BABAM2: variants seen among roughly 807,000 people sequenced by gnomAD.
BABAM2 encodes BRISC and BRCA1-A complex member 2.
Under a neutral mutation model 54.7 loss-of-function variants are expected in BABAM2, and 31 were observed. The observed-to-expected ratio is 0.57, with a 90% CI of 0.43 to 0.77. The LOEUF (loss-of-function observed/expected upper bound fraction) is 0.77, where lower values mean the gene tolerates loss of function less well. Among genes scored for constraint, BABAM2 ranks in the 30% least tolerant of loss-of-function variants. The probability of loss-of-function intolerance (pLI) is 0.00; values close to 1 mark genes in which losing one functional copy is unlikely to be tolerated. For synonymous variants in BABAM2, 167 were observed against 162.9 expected (o/e 1.03, Z -0.19); for missense variants, 364 against 455.8 (o/e 0.80, Z 1.83).
chr2:28,265,221 A>T (rs1684876540), intron 10 of BABAM2, among the ~76,000 whole-genome samples: 2 of 152,160 alleles, frequency 1.3e-5, no homozygotes, highest in Admixed American at 1.3e-4. Flanking sequence ...GGATCACCTG[A>T]GGTCAGGAGT....
At chr2:28,122,256 T>A (rs1289017883) in intron 6 of BABAM2, among the ~76,000 whole-genome samples, 2 of 152,044 alleles carry the variant, frequency 1.3e-5, no homozygotes, top group Admixed American at 6.6e-5. Flanking sequence ...AGACCTAGTT[T>A]TTGGTTACTC....
At chr2:28,213,846 T>C (rs1185944443) in intron 7 of BABAM2, among the ~76,000 whole-genome samples, 2 of 152,024 alleles carry the variant, frequency 1.3e-5, no homozygotes, top group Non-Finnish European at 2.9e-5. Flanking sequence ...TTTTTTTATC[T>C]GTAAAAGGAA....
intron 6 of BABAM2, among the ~76,000 whole-genome samples, chr2:28,128,934 T>A (rs1296913688): frequency 1.3e-5 from 2 of 152,254 alleles, no homozygotes; most frequent in African/African-American, 4.8e-5. Flanking sequence ...ATGTAAATTA[T>A]GTTTATAGTA....
intron 10 of BABAM2, among the ~76,000 whole-genome samples, chr2:28,284,799 A>G (rs1686656910): frequency 6.6e-6 from 1 of 152,218 alleles, no homozygotes; most frequent in African/African-American, 2.4e-5. Context: ...TCAGGCTAGG[A>G]AAAGAAATTA....
chr2:28,035,978 A>C (rs1369399338), intron 5 of BABAM2, among the ~76,000 whole-genome samples: 1 of 152,196 alleles, frequency 6.6e-6, no homozygotes, highest in Non-Finnish European at 1.5e-5. Flanking sequence ...CATACGAAAC[A>C]CAAAGGAAAT....
At chr2:27,991,137 A>G (rs1005199002) in intron 4 of BABAM2, among the ~76,000 whole-genome samples, 8 of 152,214 alleles carry the variant, frequency 5.3e-5, no homozygotes, top group Non-Finnish European at 7.4e-5. Flanking sequence ...ATTAAAATAA[A>G]TTGAAAAGCC....
chr2:28,012,377 A>T (rs1674459401), intron 4 of BABAM2, among the ~76,000 whole-genome samples: 1 of 152,208 alleles, frequency 6.6e-6, no homozygotes, highest in South Asian at 2.1e-4. Context: ...TTCATTTTAG[A>T]ACCACAGCCA....
intron 10 of BABAM2, among the ~76,000 whole-genome samples, chr2:28,279,436 T>C (rs1686155053): frequency 6.6e-6 from 1 of 152,088 alleles, no homozygotes; most frequent in Admixed American, 6.5e-5. Context: ...AAAGCCTGAG[T>C]AGGAGCCAGT....
At chr2:28,049,711 G>T (rs1677860739) in intron 6 of BABAM2, among the ~76,000 whole-genome samples, 1 of 152,210 alleles carries the variant, frequency 6.6e-6, no homozygotes, top group South Asian at 2.1e-4. Context: ...TCAGTGCAGA[G>T]CCCAGGTCAC....
chr2:27,960,408 T>A (rs533820188), intron 3 of BABAM2, among the ~76,000 whole-genome samples: 24 of 152,120 alleles, frequency 1.6e-4, no homozygotes, highest in Non-Finnish European at 2.5e-4. Context: ...AGCAAAAGAC[T>A]CATTGTTAAA....
intron 6 of BABAM2, among the ~76,000 whole-genome samples, chr2:28,116,392 C>T (rs188571930): frequency 6.6e-6 from 1 of 152,304 alleles, no homozygotes; most frequent in East Asian, 1.9e-4. Context: ...CTAGTGGGCT[C>T]CATTCTCTAA....
intron 3 of BABAM2, among the ~76,000 whole-genome samples, chr2:27,935,571 A>G (rs1668428651): frequency 6.6e-6 from 1 of 152,256 alleles, no homozygotes; most frequent in Non-Finnish European, 1.5e-5. Context: ...GCTTTAGAAT[A>G]TTTCATAAAC....
At chr2:28,230,235 CT>C (rs1440738751) in intron 7 of BABAM2, among the ~76,000 whole-genome samples, 1 of 152,158 alleles carries the variant, frequency 6.6e-6, no homozygotes, top group African/African-American at 2.4e-5. Context: ...ACTCGTCTTT[CT>C]GATCTCCTTT....
intron 11 of BABAM2, 112 bp downstream of exon 11, chr2:28,298,603 A>G (rs1558510822): frequency 7.5e-7 from 1 of 1,328,530 alleles, no homozygotes; most frequent in Non-Finnish European, 1.0e-6. Flanking sequence ...TGTTTTTGTA[A>G]ATAAAGTTTT....
At chr2:27,947,475 T>C (rs1034109243) in intron 3 of BABAM2, among the ~76,000 whole-genome samples, 1 of 152,188 alleles carries the variant, frequency 6.6e-6, no homozygotes, top group Non-Finnish European at 1.5e-5. Flanking sequence ...CCTTTTCTGC[T>C]ATTATACATT....
intron 3 of BABAM2, among the ~76,000 whole-genome samples, chr2:27,954,101 T>G (rs961364610): frequency 3.9e-5 from 6 of 152,236 alleles, no homozygotes; most frequent in Non-Finnish European, 5.9e-5. Flanking sequence ...AGCCTGAGTT[T>G]GTGGGGTTGC....
At chr2:28,242,830 CAT>C in intron 9 of BABAM2, among the ~76,000 whole-genome samples, 1 of 152,254 alleles carries the variant, frequency 6.6e-6, no homozygotes, top group Non-Finnish European at 1.5e-5. Flanking sequence ...CTGCCTCTCA[CAT>C]GAGTCTTTAA....
At chr2:27,909,376 A>G (rs1159247937) in intron 2 of BABAM2, among the ~76,000 whole-genome samples, 7 of 152,158 alleles carry the variant, frequency 4.6e-5, no homozygotes, top group Admixed American at 1.3e-4. Context: ...TCTTTGGAGA[A>G]ATGTCTGTTC....
intron 6 of BABAM2, among the ~76,000 whole-genome samples, chr2:28,081,650 C>T (rs755222770): frequency 2.0e-4 from 31 of 152,274 alleles, no homozygotes; most frequent in Admixed American, 3.3e-4. Context: ...CTTAATGCTA[C>T]GCTACTCCCA....
Sources: allele counts gnomAD v4.1 joint callset (sites outside exome capture counted in the v4.1 genomes callset), GRCh38; gene constraint gnomAD v4.1.1; transcripts MANE v1.5; gene names NCBI Gene and HGNC (gene_info 2026-07-23, HGNC 2026-07-21).